FBLN1: variants seen among roughly 807,000 people sequenced by gnomAD.
FBLN1 encodes the protein fibulin 1.
A neutral mutation model predicts 89.7 loss-of-function variants in FBLN1; 34 were observed. That is an observed-to-expected ratio of 0.38 (90% confidence interval 0.29 to 0.50). The LOEUF (loss-of-function observed/expected upper bound fraction) is 0.50. Ranked by LOEUF, FBLN1 falls within the 20% of genes least tolerant of loss-of-function variation. The pLI is 0.92. For synonymous variants in FBLN1, 393 were observed against 391.3 expected (o/e 1.00, Z -0.05); for missense variants, 777 against 988.1 (o/e 0.79, Z 2.86).
At chr22:45,539,899 C>G (rs756355590) in intron 8 of FBLN1, among the ~76,000 whole-genome samples, 2 of 152,202 alleles carry the variant, frequency 1.3e-5, no homozygotes, top group Non-Finnish European at 2.9e-5. Context: ...AAGGCAGCCA[C>G]CGCTCTGCTA....
intron 16 of FBLN1, among the ~76,000 whole-genome samples, chr22:45,589,095 TAA>T (rs541232966): frequency 2.0e-4 from 29 of 146,158 alleles, no homozygotes; most frequent in Admixed American, 1.2e-3. Context: ...TTTATATATA[TAA>T]AAAATATATA....
At chr22:45,595,534 G>A (rs1248416387) in intron 16 of FBLN1, among the ~76,000 whole-genome samples, 6 of 151,982 alleles carry the variant, frequency 3.9e-5, no homozygotes, top group African/African-American at 2.4e-5. Flanking sequence ...CTAGTTGCTC[G>A]TCTCACCACG....
chr22:45,597,006 A>T lies in FBLN1; in HGVS notation c.1973-3301A>T, dbSNP rs1234327498. Among the ~76,000 whole-genome samples, 1 of 151,378 alleles carries T rather than the reference A, an allele frequency of 6.6e-6. No homozygotes were observed. The highest frequency in any genetic ancestry group is 1.5e-5 in the Non-Finnish European group (1 of 67,920). On this transcript the variant is annotated intron_variant, in intron 16 of 16. Transcript: ENST00000327858. The surrounding 1 kb of genome is among the most constrained non-coding windows in gnomAD (Gnocchi z 4.2). Reference sequence around the variant, plus strand: ...AGAAATATAATAATAACAGAAATAGATCTCTTTTTTTTTGGGACAGGATCT... The same window carrying T: ...AGAAATATAATAATAACAGAAATAGTTCTCTTTTTTTTTGGGACAGGATCT...
chr22:45,557,885 T>G lies in FBLN1; in HGVS notation c.1697+7270T>G, dbSNP rs1421244512. Among the ~76,000 whole-genome samples, 2 of 152,252 alleles carry G rather than the reference T, an allele frequency of 1.3e-5. No homozygotes were observed. Among genetic ancestry groups the G allele is most frequent in the Non-Finnish European group, 2.9e-5 (2 of 68,048 alleles). On this transcript the variant is annotated intron_variant, in intron 14 of 16. Coordinates refer to ENST00000327858, the MANE Select transcript of FBLN1 (RefSeq NM_006486.3). This position sits in a 1 kb window ranked among gnomAD's most constrained non-coding sequence, Gnocchi z 4.9. ...GCACATCTGGTCATTTCTCCTTCCATGCAAAGTGCACAACCAGGTGCATTG... is the reference window on the plus strand; with the variant it reads ...GCACATCTGGTCATTTCTCCTTCCAGGCAAAGTGCACAACCAGGTGCATTG...
rs555554719 is a variant in FBLN1 at position 45,578,941 on chromosome 22, C to G, written c.1972+1833C>G. ...CCCTGAGGACTTTGCATCTCAGCAG[C>G]AGGGAGAAGCCACCCCGTATCAGAT... On this transcript the variant is annotated intron_variant, in intron 16 of 16. Coordinates refer to ENST00000327858, the MANE Select transcript of FBLN1 (RefSeq NM_006486.3). This position sits in a 1 kb window ranked among gnomAD's most constrained non-coding sequence, Gnocchi z 4.6. Among the ~76,000 whole-genome samples, 79 of 152,338 alleles carry G rather than the reference C, an allele frequency of 5.2e-4. 1 individual carries two copies. The highest frequency in any genetic ancestry group is 1.9e-3 in the African/African-American group (77 of 41,576).
intron 16 of FBLN1, among the ~76,000 whole-genome samples, chr22:45,594,449 T>G (rs1159898652): frequency 6.6e-6 from 1 of 152,224 alleles, no homozygotes; most frequent in African/African-American, 2.4e-5. Flanking sequence ...GGCTTTGCAC[T>G]TGTCCTTCCT....
intron 1 of FBLN1, chr22:45,517,805 A>G (rs2088189468): frequency 5.5e-6 from 2 of 366,950 alleles, no homozygotes; most frequent in East Asian, 1.6e-4. Flanking sequence ...AGGAGAAAAC[A>G]CGGATGTGGG....
chr22:45,567,909 G>A (rs141828068), intron 14 of FBLN1, among the ~76,000 whole-genome samples: 1,761 of 152,230 alleles, frequency 0.012, 32 homozygotes, highest in African/African-American at 0.04. Flanking sequence ...ACTGGGAGGC[G>A]TTTTCCTCAC....
In FBLN1 at chr22:45,530,260, A is replaced by C. The variant is rs2088387053; in HGVS notation, c.485-1005A>C. 6.7e-6 allele frequency among the ~76,000 whole-genome samples: 1 copy of C among 150,274 alleles called. No homozygotes were observed. ...CCTGCTGGTGGAGGATTTCTCCTGC[A>C]TCTCGGGGGTGGATTTTCACTGATT... On this transcript the variant is annotated intron_variant, in intron 4 of 16. Coordinates refer to ENST00000327858, the MANE Select transcript of FBLN1 (RefSeq NM_006486.3). This position sits in a 1 kb window ranked among gnomAD's most constrained non-coding sequence, Gnocchi z 5.4.
At chr22:45,515,291 G>A (rs2088154904) in intron 1 of FBLN1, among the ~76,000 whole-genome samples, 1 of 152,210 alleles carries the variant, frequency 6.6e-6, no homozygotes, top group African/African-American at 2.4e-5. Context: ...TGATGGGGCT[G>A]TGCAGGAGCT....
At chr22:45,558,312 A>G (rs928892078) in intron 14 of FBLN1, 1 of 408,612 alleles carries the variant, frequency 2.4e-6, no homozygotes, top group Non-Finnish European at 4.5e-6. Flanking sequence ...TAGGCAGTTC[A>G]GGTCATATGG....
chr22:45,533,301 T>C (rs1461387711), intron 6 of FBLN1, 137 bp downstream of exon 6: 6 of 810,958 alleles, frequency 7.4e-6, no homozygotes, highest in Non-Finnish European at 1.3e-5. Context: ...GGACGCGCTT[T>C]CTCGTGTTCG....
chr22:45,594,533 G>A (rs558212024), intron 16 of FBLN1, among the ~76,000 whole-genome samples: 6 of 152,192 alleles, frequency 3.9e-5, no homozygotes, highest in East Asian at 1.9e-4. Context: ...GTGCAGAGTA[G>A]CCTCTAATGG....
intron 12 of FBLN1, among the ~76,000 whole-genome samples, chr22:45,547,874 G>C (rs1602198299): frequency 6.6e-6 from 1 of 152,014 alleles, no homozygotes; most frequent in African/African-American, 2.4e-5. Context: ...GAGGTAAGGA[G>C]GGGGCTCAGG....
At chr22:45,519,211 C>T (rs529135480) in intron 2 of FBLN1, among the ~76,000 whole-genome samples, 1 of 152,340 alleles carries the variant, frequency 6.6e-6, no homozygotes, top group South Asian at 2.1e-4. Flanking sequence ...TGAAGCGTTC[C>T]ACCAGCCGGT....
intron 14 of FBLN1, among the ~76,000 whole-genome samples, chr22:45,573,680 C>CAAA (rs60082908): frequency 0.012 from 680 of 58,960 alleles, 79 homozygotes; most frequent in African/African-American, 0.048. Context: ...GACTCTGTCT[C>CAAA]AAAAAAAAAA....
chr22:45,571,241 C>T (rs1347817022), intron 14 of FBLN1, among the ~76,000 whole-genome samples: 1 of 150,948 alleles, frequency 6.6e-6, no homozygotes, highest in Non-Finnish European at 1.5e-5. Context: ...TTGACAGCAA[C>T]ACTTTATGCT....
Position 45,503,803 on chromosome 22 carries a change from C to T in FBLN1, c.79+739C>T, listed in dbSNP as rs112926264. Reference sequence around the variant, plus strand: ...CAAGGGGGATGGAGTTTTCCAAGAGCAGATCTGATCGATGGCCCAGACCTT... The same window carrying T: ...CAAGGGGGATGGAGTTTTCCAAGAGTAGATCTGATCGATGGCCCAGACCTT... On this transcript the variant is annotated intron_variant, in intron 1 of 16. Transcript: ENST00000327858. Among the ~76,000 whole-genome samples the T allele has an allele frequency of 8.4e-3, 1,272 of 152,286 alleles. 19 individuals carry two copies. Among genetic ancestry groups the T allele is most frequent in the African/African-American group, 0.029 (1,211 of 41,554 alleles).
intron 14 of FBLN1, among the ~76,000 whole-genome samples, chr22:45,555,554 A>G (rs968629674): frequency 1.3e-5 from 2 of 152,086 alleles, no homozygotes; most frequent in African/African-American, 4.8e-5. Context: ...CTGGCAGCTG[A>G]TTAGTTGGTG....
Sources: gnomAD v4.1 joint callset for allele counts (sites outside exome capture counted in the v4.1 genomes callset) on GRCh38, gnomAD v4.1.1 for gene constraint, Gnocchi (gnomAD v3.1) non-coding constraint, MANE v1.5 for transcripts, NCBI Gene and HGNC (gene_info 2026-07-23, HGNC 2026-07-21) for gene names.